Variants in HIVEP1 observed in about 807,000 individuals in gnomAD.
HIVEP1 encodes the protein zinc finger protein 40.
HIVEP1 carries 36 observed loss-of-function variants against 180.0 expected under a neutral mutation model. That is an observed-to-expected ratio of 0.20 (90% CI 0.15 to 0.26). The LOEUF (loss-of-function observed/expected upper bound fraction) is 0.26. Ranked by LOEUF, HIVEP1 falls within the 10% of genes least tolerant of loss-of-function variation. HIVEP1 has a pLI of 1.00. For missense variants in HIVEP1, 3,143 were observed against 3,268.7 expected (o/e 0.96, Z 0.94); for synonymous variants, 1,239 against 1,239.0 (o/e 1.00, Z 0.00).
chr6:12,139,314 C>T (rs1561991741), intron 7 of HIVEP1, among the ~76,000 whole-genome samples: 1 of 152,188 alleles, frequency 6.6e-6, no homozygotes, highest in Non-Finnish European at 1.5e-5. Context: ...GCCCCTGTCT[C>T]AGGGACTTTG....
At chr6:12,204,513 A>T in the HIVEP1 span, among the ~76,000 whole-genome samples, 1 of 152,152 alleles carries the variant, frequency 6.6e-6, no homozygotes, top group Non-Finnish European at 1.5e-5. Context: ...TAAGAAAAAA[A>T]ATCCCCCGAC....
intron 2 of HIVEP1, among the ~76,000 whole-genome samples, chr6:12,050,206 A>G (rs992220387): frequency 6.6e-6 from 1 of 152,236 alleles, no homozygotes; most frequent in Non-Finnish European, 1.5e-5. Context: ...ACTGTTCCAC[A>G]TGCTCTCTAC....
intron 3 of HIVEP1, among the ~76,000 whole-genome samples, chr6:12,091,013 T>G (rs1388169947): frequency 6.6e-6 from 1 of 152,118 alleles, no homozygotes; most frequent in African/African-American, 2.4e-5. Flanking sequence ...TTCTGTGCAG[T>G]TCACTGCATA....
At chr6:12,026,892 G>GT (rs966073760) in intron 2 of HIVEP1, among the ~76,000 whole-genome samples, 2 of 152,234 alleles carry the variant, frequency 1.3e-5, no homozygotes. Flanking sequence ...GAACAAGGTG[G>GT]TTAGGGGTTG....
At chr6:12,086,373 ATTC>A (rs1021170493) in intron 2 of HIVEP1, among the ~76,000 whole-genome samples, 5 of 152,294 alleles carry the variant, frequency 3.3e-5, no homozygotes, top group South Asian at 2.1e-4. Context: ...TGGTATGAGT[ATTC>A]TTTTTGTTTG....
At chr6:12,115,404 A>G (rs1227077122) in intron 3 of HIVEP1, among the ~76,000 whole-genome samples, 3 of 109,318 alleles carry the variant, frequency 2.7e-5, no homozygotes, top group African/African-American at 7.5e-5. Context: ...TGGTCTTTCT[A>G]AGCTGTTCTT....
intron 1 of HIVEP1, among the ~76,000 whole-genome samples, chr6:12,013,227 T>C (rs1214258994): frequency 3.3e-5 from 5 of 152,220 alleles, no homozygotes; most frequent in East Asian, 1.9e-4. Context: ...CCTCCTGGCA[T>C]GCGAAGCGCT....
At position 12,163,581 on chromosome 6, in the gene HIVEP1, T is replaced by C; in HGVS notation, c.7277T>C (p.Leu2426Pro). The change falls in exon 9 of 9, where the codon CTC becomes CCC. Residue 2426 changes from leucine (L) to proline (P), a missense_variant. By Grantham distance (98) the Leu-to-Pro change is moderately conservative. This residue lies in a region of HIVEP1 where 595 missense variants were observed against 602.2 expected (regional missense o/e 0.99). Coordinates refer to ENST00000379388, the MANE Select transcript of HIVEP1 (RefSeq NM_002114.4). Reference protein sequence around the residue: ...FVPLQAGPVQLTIPAVSVVHR... With the variant: ...FVPLQAGPVQPTIPAVSVVHR... ...CCCCTTCAGGCTGGACCAGTGCAGC[T>C]CACGATCCCTGCTGTCAGTGTCGTT... The C allele has an allele frequency of 3.7e-6, 6 of 1,614,204 alleles. No individual in the cohort carries two copies. Among genetic ancestry groups the C allele is most frequent in the Non-Finnish European group, 5.1e-6 (6 of 1,180,028 alleles).
At chr6:12,132,774 T>G (rs1758495849) in intron 6 of HIVEP1, among the ~76,000 whole-genome samples, 1 of 152,206 alleles carries the variant, frequency 6.6e-6, no homozygotes, top group Non-Finnish European at 1.5e-5. Flanking sequence ...TGAAGGAGGC[T>G]ATCCTTGCTA....
intron 3 of HIVEP1, among the ~76,000 whole-genome samples, chr6:12,118,440 A>G (rs141783562): frequency 6.6e-6 from 1 of 152,342 alleles, no homozygotes; most frequent in Non-Finnish European, 1.5e-5. Context: ...CAATCCAACA[A>G]ATGGAAACCA....
chr6:12,051,026 A>ATATATATATATATATATATG (rs1329873734), intron 2 of HIVEP1, among the ~76,000 whole-genome samples: 4 of 141,222 alleles, frequency 2.8e-5, no homozygotes, highest in African/African-American at 7.9e-5. Context: ...ATATATATAT[A>ATATATATATATATATATATG]TATATGTATA....
chr6:12,067,200 A>G (rs1481938811), intron 2 of HIVEP1, among the ~76,000 whole-genome samples: 1 of 152,182 alleles, frequency 6.6e-6, no homozygotes, highest in African/African-American at 2.4e-5. Flanking sequence ...ATTAATTATT[A>G]GTATTATGGA....
intron 3 of HIVEP1, among the ~76,000 whole-genome samples, chr6:12,090,440 C>A (rs1331580878): frequency 6.6e-6 from 1 of 152,064 alleles, no homozygotes; most frequent in Admixed American, 6.6e-5. Flanking sequence ...CTTAAACCAG[C>A]CTGTGAAGCC....
chr6:12,158,655 C>T (rs926754443), intron 7 of HIVEP1, among the ~76,000 whole-genome samples: 1 of 152,164 alleles, frequency 6.6e-6, no homozygotes, highest in African/African-American at 2.4e-5. Context: ...TCTCCTCCCT[C>T]TCCCCCAAGT....
downstream of HIVEP1, among the ~76,000 whole-genome samples, chr6:12,167,631 T>TTATATTATATG (rs1562023542): frequency 2.0e-5 from 2 of 100,830 alleles, no homozygotes; most frequent in Non-Finnish European, 3.7e-5. Flanking sequence ...TATATACATG[T>TTATATTATATG]TATATATACA....
At chr6:12,143,759 CA>C (rs1394883922) in intron 7 of HIVEP1, among the ~76,000 whole-genome samples, 1 of 152,082 alleles carries the variant, frequency 6.6e-6, no homozygotes, top group Non-Finnish European at 1.5e-5. Context: ...AACGGAGAGC[CA>C]AATCATGAGT....
intron 2 of HIVEP1, among the ~76,000 whole-genome samples, chr6:12,069,740 TAAA>T (rs896878825): frequency 6.6e-6 from 1 of 151,570 alleles, no homozygotes; most frequent in Non-Finnish European, 1.5e-5. Flanking sequence ...AATAAATAAA[TAAA>T]AAGAAAAAAA....
intron 2 of HIVEP1, among the ~76,000 whole-genome samples, chr6:12,062,430 T>C (rs1428607682): frequency 6.6e-6 from 1 of 152,200 alleles, no homozygotes; most frequent in Non-Finnish European, 1.5e-5. Context: ...GATACAGATA[T>C]TGATGTAATT....
chr6:12,156,887 T>C (rs562820578), intron 7 of HIVEP1, among the ~76,000 whole-genome samples: 20 of 152,350 alleles, frequency 1.3e-4, no homozygotes, highest in African/African-American at 4.8e-4. Flanking sequence ...TTTTATGTTC[T>C]TCCTGATTTT....
Sources: allele counts gnomAD v4.1 joint callset (sites outside exome capture counted in the v4.1 genomes callset), GRCh38; gene constraint gnomAD v4.1.1; regional missense constraint gnomAD v4.1.1; transcripts MANE v1.5; gene names NCBI Gene and HGNC (gene_info 2026-07-23, HGNC 2026-07-21).